Variants in MYBPC1 observed in about 807,000 individuals in gnomAD.
The protein encoded by MYBPC1 is myosin binding protein C1, also known as myosin-binding protein C, slow-type.
MYBPC1 carries 52 observed loss-of-function variants against 147.1 expected under a neutral mutation model. The observed-to-expected ratio is 0.35, with a 90% CI of 0.28 to 0.45. The LOEUF (loss-of-function observed/expected upper bound fraction) is 0.45. Among genes scored for constraint, MYBPC1 ranks in the 20% least tolerant of loss-of-function variants. The pLI is 1.00. For synonymous variants in MYBPC1, 477 were observed against 475.9 expected (o/e 1.00, Z -0.03); for missense variants, 1,228 against 1,440.3 (o/e 0.85, Z 2.39).
intron 6 of MYBPC1, 42 bp from the exon 7 acceptor site, chr12:101,631,529 C>G (rs375628182): frequency 1.9e-6 from 3 of 1,606,966 alleles, no homozygotes; most frequent in Non-Finnish European, 2.6e-6. Flanking sequence ...AAACAAATGA[C>G]GCTTGTTAAA....
At chr12:101,660,233 T>C in intron 19 of MYBPC1, 2 of 280,506 alleles carry the variant, frequency 7.1e-6, no homozygotes, top group South Asian at 8.2e-5. Context: ...TCTCCTCTTC[T>C]TACTTTAGTT....
intron 11 of MYBPC1, 88 bp from the exon 12 acceptor site, chr12:101,644,576 T>C: frequency 1.6e-6 from 2 of 1,259,102 alleles, no homozygotes; most frequent in Non-Finnish European, 2.3e-6. Flanking sequence ...TTCATTTGCT[T>C]TTAGGTTCTC....
intron 28 of MYBPC1, among the ~76,000 whole-genome samples, chr12:101,678,773 T>C (rs1202658642): frequency 6.6e-6 from 1 of 152,210 alleles, no homozygotes; most frequent in Non-Finnish European, 1.5e-5. Flanking sequence ...ATATCGCCCA[T>C]AGAGATGTAC....
At chr12:101,685,371 G>A (rs1951291516) in intron 31 of MYBPC1, among the ~76,000 whole-genome samples, 1 of 152,176 alleles carries the variant, frequency 6.6e-6, no homozygotes, top group Admixed American at 6.5e-5. Context: ...GTTCTACTGG[G>A]AACTTGCTTT....
chr12:101,686,202 G>A (rs1356894807), downstream of MYBPC1, among the ~76,000 whole-genome samples: 3 of 152,146 alleles, frequency 2.0e-5, no homozygotes, highest in Admixed American at 2.0e-4. Context: ...AATTTTCTCA[G>A]TAGAAGGGAT....
At chr12:101,670,923 A>T (rs1898524421) in intron 24 of MYBPC1, among the ~76,000 whole-genome samples, 1 of 152,154 alleles carries the variant, frequency 6.6e-6, no homozygotes, top group South Asian at 2.1e-4. Context: ...CCAGCAAAAG[A>T]ATCTGTTCTT....
rs199643410 is a variant in MYBPC1 at position 101,678,257 on chromosome 12, A to T, written c.3246+19A>T. ...TCCTAAGGTACCATGTTCTTCTATC[A>T]CATCAGTTAAAGTCCCTGTCTTGTA... On this transcript the variant is annotated intron_variant, in intron 28 of 31. Transcript: ENST00000361466. 1 of 1,613,430 alleles carries T rather than the reference A, an allele frequency of 6.2e-7. No individual in the cohort carries two copies. The highest frequency in any genetic ancestry group is 1.3e-5 in the African/African-American group (1 of 74,928).
At chr12:101,667,641 AT>A in intron 22 of MYBPC1, 90 bp from the exon 23 acceptor site, 3 of 1,434,802 alleles carry the variant, frequency 2.1e-6, no homozygotes, top group Admixed American at 1.8e-5. Context: ...TATGAGTAAA[AT>A]ACTAATTTGG....
intron 1 of MYBPC1, among the ~76,000 whole-genome samples, chr12:101,606,466 ATT>A (rs34796532): frequency 9.9e-5 from 14 of 141,188 alleles, no homozygotes; most frequent in Admixed American, 1.4e-4. Flanking sequence ...TCAATTTAGT[ATT>A]TTTTTTTTTT....
At chr12:101,612,937 C>T (rs1241639775) in intron 1 of MYBPC1, among the ~76,000 whole-genome samples, 5 of 152,230 alleles carry the variant, frequency 3.3e-5, no homozygotes, top group Non-Finnish European at 7.3e-5. Context: ...TCTGACAATG[C>T]CATCCAAGGG....
At chr12:101,671,634 AG>A (rs1898758060) in intron 24 of MYBPC1, among the ~76,000 whole-genome samples, 1 of 152,212 alleles carries the variant, frequency 6.6e-6, no homozygotes, top group Admixed American at 6.5e-5. Context: ...GCAACAAGGC[AG>A]GTATTGGGGA....
chr12:101,600,142 G>T (rs1458251325), intron 1 of MYBPC1, among the ~76,000 whole-genome samples: 1 of 152,156 alleles, frequency 6.6e-6, no homozygotes, highest in African/African-American at 2.4e-5. Flanking sequence ...TTCAAACAGT[G>T]AAGTCAGGAG....
chr12:101,611,111 G>A (rs1352492742), intron 1 of MYBPC1, among the ~76,000 whole-genome samples: 1 of 152,098 alleles, frequency 6.6e-6, no homozygotes, highest in African/African-American at 2.4e-5. Flanking sequence ...ATTTTGAGAA[G>A]AAAAAGTTCT....
intron 19 of MYBPC1, chr12:101,660,370 G>A (rs575220577): frequency 5.0e-4 from 87 of 175,694 alleles, no homozygotes; most frequent in African/African-American, 1.8e-3. Flanking sequence ...AACATCTTGA[G>A]TCTTGTAAAA....
At chr12:101,695,814 G>C in the MYBPC1 span, among the ~76,000 whole-genome samples, 1 of 152,092 alleles carries the variant, frequency 6.6e-6, no homozygotes, top group African/African-American at 2.4e-5. Flanking sequence ...TTATGTGAGA[G>C]AGAAATAAAT....
chr12:101,606,705 A>G (rs1198137318), intron 1 of MYBPC1, among the ~76,000 whole-genome samples: 1 of 152,214 alleles, frequency 6.6e-6, no homozygotes, highest in African/African-American at 2.4e-5. Flanking sequence ...ATAAGCAAGT[A>G]ACTGTGAAAA....
chr12:101,617,246 G>C lies in MYBPC1; in HGVS notation c.103+3G>C. ...GGCCGGAACTACACCAGCAAAAGGTGAGTTGGAGGGAGGGAGAGTGAGGCT... is the reference window on the plus strand; with the variant it reads ...GGCCGGAACTACACCAGCAAAAGGTCAGTTGGAGGGAGGGAGAGTGAGGCT... On this transcript the variant is annotated splice_donor_region_variant and intron_variant, in intron 3 of 31. Coordinates refer to ENST00000361466, the MANE Select transcript of MYBPC1 (RefSeq NM_002465.4). The C allele has an allele frequency of 5.0e-6, 8 of 1,613,734 alleles. No homozygotes were observed. Among genetic ancestry groups the C allele is most frequent in the Middle Eastern group, 1.7e-4 (1 of 6,060 alleles).
At chr12:101,621,839 C>T (rs1315277073) in intron 3 of MYBPC1, among the ~76,000 whole-genome samples, 3 of 152,118 alleles carry the variant, frequency 2.0e-5, no homozygotes, top group Non-Finnish European at 2.9e-5. Flanking sequence ...ACTCATATTA[C>T]GAAGTATTTA....
chr12:101,633,116 AC>A (rs1890243600), intron 8 of MYBPC1, among the ~76,000 whole-genome samples: 1 of 152,166 alleles, frequency 6.6e-6, no homozygotes. Flanking sequence ...ACAACATGCT[AC>A]TTATTCTACA....
Sources: gnomAD v4.1 joint callset for allele counts (sites outside exome capture counted in the v4.1 genomes callset) on GRCh38, gnomAD v4.1.1 for gene constraint, MANE v1.5 for transcripts, NCBI Gene and HGNC (gene_info 2026-07-23, HGNC 2026-07-21) for gene names.